The following PM20D2 variants were observed in gnomAD, a reference collection of about 807,000 sequenced individuals.
The protein encoded by PM20D2 is xaa-Arg dipeptidase.
In PM20D2, 33 loss-of-function variants were observed where a neutral mutation model predicts 42.9. The observed-to-expected ratio is 0.77, with a 90% CI of 0.58 to 1.03. The LOEUF (loss-of-function observed/expected upper bound fraction) is 1.03, where lower values mean the gene tolerates loss of function less well. Ranked by LOEUF, PM20D2 falls within the 50% of genes least tolerant of loss-of-function variation. PM20D2 has a pLI of 0.00. For missense variants in PM20D2, 548 were observed against 557.0 expected (o/e 0.98, Z 0.16); for synonymous variants, 250 against 228.2 (o/e 1.10, Z -0.86).
chr6:89,099,413 T>TGTGTATATATATATAC, the PM20D2 span, among the ~76,000 whole-genome samples: 1 of 140,032 alleles, frequency 7.1e-6, no homozygotes, highest in African/African-American at 2.8e-5. Flanking sequence ...CATATATATA[T>TGTGTATATATATATAC]ACATATATAT....
chr6:89,132,899 T>C, the PM20D2 span, among the ~76,000 whole-genome samples: 2 of 150,822 alleles, frequency 1.3e-5, no homozygotes, highest in Middle Eastern at 6.8e-3. Flanking sequence ...TTTAATCTTT[T>C]TTTTTAATTA....
chr6:89,136,122 C>A, the PM20D2 span, among the ~76,000 whole-genome samples: 1 of 151,072 alleles, frequency 6.6e-6, no homozygotes, highest in African/African-American at 2.5e-5. Flanking sequence ...TAAACCCAAG[C>A]CAAATGTATG....
intron 4 of PM20D2, among the ~76,000 whole-genome samples, chr6:89,156,719 A>C (rs190885561): frequency 1.3e-5 from 2 of 152,300 alleles, no homozygotes; most frequent in East Asian, 3.9e-4. Flanking sequence ...AAGGTTGATC[A>C]TACTTTCAGA....
At chr6:89,147,600 C>T (rs1770634788) in intron 1 of PM20D2, among the ~76,000 whole-genome samples, 2 of 151,912 alleles carry the variant, frequency 1.3e-5, no homozygotes, top group South Asian at 4.2e-4. Context: ...TCTGAGTAGT[C>T]AGCGAGAGAC....
the PM20D2 span, chr6:89,098,570 G>A: frequency 1.2e-6 from 2 of 1,601,998 alleles, no homozygotes; most frequent in Non-Finnish European, 1.7e-6. Flanking sequence ...TGCTCTTTCT[G>A]TTGCTGTTCA....
the PM20D2 span, among the ~76,000 whole-genome samples, chr6:89,124,459 A>G: frequency 6.6e-6 from 1 of 152,346 alleles, no homozygotes. Flanking sequence ...TTAGTGCCAC[A>G]TAAAGGTATT....
rs1771302446 is a variant in PM20D2, at chr6:89,163,179, C to G, written c.*916C>G. On this transcript the variant is annotated 3_prime_UTR_variant, in exon 7 of 7. Coordinates refer to ENST00000275072, the MANE Select transcript of PM20D2 (RefSeq NM_001010853.3). ...TTTTTGAATAAGCAAATATTGCTTC[C>G]TTGCTTGGAATCATCAGAGTTTAAA... 1 of 152,004 alleles carries G rather than the reference C, an allele frequency of 6.6e-6. No individual in the cohort carries two copies. Among genetic ancestry groups the G allele is most frequent in the African/African-American group, 2.4e-5 (1 of 41,336 alleles). 9.4% of individuals were successfully genotyped at this position (152,004 alleles called of 1,614,324 possible).
At chr6:89,143,101 T>C (rs1341253941), upstream of PM20D2, among the ~76,000 whole-genome samples, 1 of 152,240 alleles carries the variant, frequency 6.6e-6, no homozygotes, top group Non-Finnish European at 1.5e-5. Flanking sequence ...TCAAAAACTT[T>C]TTTTTCTCAT....
rs1408647778 is a variant in PM20D2 at position 89,146,571 on chromosome 6, G to A, written c.427G>A (p.Ala143Thr). ...GGCGGCCGCGCTGGGCGTGAGGGGG[G>A]CCTTAGAGGGCCTCCCCAGGCCGCC... is the stretch of plus-strand genomic sequence containing the variant. ...GAAAALGVRG[A>T]LEGLPRPPPP... The change falls in exon 1 of 7, where the codon GCC (alanine) becomes ACC (threonine). Residue 143 changes from alanine to threonine, a missense_variant. By Grantham distance (58) the Ala-to-Thr change is moderately conservative (BLOSUM62 0). Transcript: ENST00000275072. The A allele has an allele frequency of 1.3e-6, 2 of 1,481,988 alleles. No individual in the cohort carries two copies. Among genetic ancestry groups the A allele is most frequent in the Admixed American group, 2.3e-5 (1 of 43,998 alleles). The allele number at this position is 1,481,988 out of a possible 1,614,324, so 91.8% of individuals were successfully genotyped here. A position where few individuals can be genotyped will look rare whatever the true frequency, so the allele number is the denominator to read the frequency against.
chr6:89,134,557 A>G, the PM20D2 span, among the ~76,000 whole-genome samples: 7 of 151,266 alleles, frequency 4.6e-5, no homozygotes, highest in South Asian at 2.1e-4. Flanking sequence ...CTATTCCTCA[A>G]ACCACTTGAA....
chr6:89,103,597 C>T, the PM20D2 span, among the ~76,000 whole-genome samples: 1 of 152,324 alleles, frequency 6.6e-6, no homozygotes, highest in African/African-American at 2.4e-5. Flanking sequence ...TCCCAAAGTG[C>T]TGGGATTACA....
intron 3 of PM20D2, 42 bp downstream of exon 3, chr6:89,153,227 A>G (rs373973529): frequency 1.3e-5 from 19 of 1,466,814 alleles, no homozygotes; most frequent in South Asian, 5.7e-5. Context: ...GGTGCTTGCT[A>G]TAGTTCAGTG....
chr6:89,126,100 T>C, the PM20D2 span, among the ~76,000 whole-genome samples: 2 of 148,462 alleles, frequency 1.3e-5, no homozygotes, highest in African/African-American at 5.0e-5. Context: ...AAAAAAAAAG[T>C]AAAGTATTTC....
chr6:89,112,176 A>G, the PM20D2 span, among the ~76,000 whole-genome samples: 1 of 152,034 alleles, frequency 6.6e-6, no homozygotes, highest in Non-Finnish European at 1.5e-5. Flanking sequence ...TCGGCCTCCC[A>G]AAGTGCTGGA....
the PM20D2 span, among the ~76,000 whole-genome samples, chr6:89,117,364 T>TA: frequency 6.6e-6 from 1 of 152,216 alleles, no homozygotes; most frequent in African/African-American, 2.4e-5. Flanking sequence ...CGCATTATGG[T>TA]ACAAAACGTT....
the PM20D2 span, among the ~76,000 whole-genome samples, chr6:89,102,576 GA>G: frequency 1.3e-5 from 2 of 151,450 alleles, no homozygotes; most frequent in African/African-American, 2.4e-5. Flanking sequence ...AAATGTCCTT[GA>G]AAAAAAATCC....
At chr6:89,107,649 T>C in the PM20D2 span, among the ~76,000 whole-genome samples, 1 of 152,202 alleles carries the variant, frequency 6.6e-6, no homozygotes, top group East Asian at 1.9e-4. Context: ...GAGAATCACC[T>C]GAGTGAGCAT....
the PM20D2 span, among the ~76,000 whole-genome samples, chr6:89,127,285 A>T: frequency 2.0e-5 from 3 of 152,034 alleles, no homozygotes; most frequent in African/African-American, 7.2e-5. Context: ...AGAAACATCC[A>T]TTATATGCTC....
intron 1 of PM20D2, among the ~76,000 whole-genome samples, chr6:89,146,919 G>A (rs184657410): frequency 2.0e-5 from 3 of 152,290 alleles, no homozygotes; most frequent in Admixed American, 6.5e-5. Context: ...TGTTTGTTAC[G>A]GGTTATTTTT....
Sources: gnomAD v4.1 joint callset for allele counts (sites outside exome capture counted in the v4.1 genomes callset) on GRCh38, gnomAD v4.1.1 for gene constraint, MANE v1.5 for transcripts, NCBI Gene and HGNC (gene_info 2026-07-23, HGNC 2026-07-21) for gene names.